CST7: variants seen among roughly 807,000 people sequenced by gnomAD.
The protein encoded by CST7 is cystatin-F.
A neutral mutation model predicts 13.1 loss-of-function variants in CST7; 15 were observed. That is an observed-to-expected ratio of 1.14 (90% CI 0.77 to 1.76). The LOEUF (loss-of-function observed/expected upper bound fraction) is 1.76, where lower values mean the gene tolerates loss of function less well. Among genes scored for constraint, CST7 ranks in the 40% most tolerant of loss-of-function variants. The probability of loss-of-function intolerance (pLI) is 0.00; values close to 1 mark genes in which losing one functional copy is unlikely to be tolerated. For missense variants in CST7, 193 were observed against 178.8 expected, an observed-to-expected ratio of 1.08 and a Z score of -0.45; for synonymous variants, 75 against 66.9, an observed-to-expected ratio of 1.12 and a Z score of -0.59.
intron 1 of CST7, among the ~76,000 whole-genome samples, chr20:24,952,084 G>T (rs6114956): frequency 0.09 from 13,674 of 152,318 alleles, 698 homozygotes; most frequent in Middle Eastern, 0.12. Flanking sequence ...CCGTCTACGT[G>T]GCAAGATTTG....
rs374458409 is a variant in CST7 at position 24,949,498 on chromosome 20, G to A, written c.-8G>A. The A allele has an allele frequency of 4.9e-4, 793 of 1,614,058 alleles. 1 individual carries two copies. Among genetic ancestry groups the A allele is most frequent in the Admixed American group, 6.3e-4 (38 of 60,020 alleles). ...CAACTGCCCCGCACTGTCCCTACCC[G>A]GGCAGCCATGCGAGCGGCTGGAACT... is the stretch of plus-strand genomic sequence containing the variant. On this transcript the variant is annotated 5_prime_UTR_variant, in exon 1 of 4. Transcript: ENST00000480798.
chr20:24,957,187 G>T (rs969910245), intron 1 of CST7, 100 bp from the exon 2 acceptor site: 4 of 1,277,578 alleles, frequency 3.1e-6, no homozygotes, highest in Non-Finnish European at 4.4e-6. Flanking sequence ...GGACACACAC[G>T]CCAGCAGAGA....
Position 24,957,232 on chromosome 20 carries a change from GGACTGAAGGCCCCACTAACATCA to G in CST7, c.71-53_71-31del, listed in dbSNP as rs935058071. 6 of 1,565,164 alleles carry G rather than the reference GGACTGAAGGCCCCACTAACATCA, an allele frequency of 3.8e-6. No individual in the cohort carries two copies. The African/African-American group carries it at 8.2e-5, about 21-fold the overall frequency. On this transcript the variant is annotated intron_variant, in intron 1 of 3. Transcript: ENST00000480798. The stretch of plus-strand genomic sequence containing the variant: ...CACAGAGGCATGAGGCGTGACACCT[GGACTGAAGGCCCCACTAACATCA>G]GTGTTCTTGTCTGGCTCTTTGTCTC...
At chr20:24,958,831 G>T in intron 2 of CST7, 97 bp from the exon 3 acceptor site, 1 of 862,612 alleles carries the variant, frequency 1.2e-6, no homozygotes, top group South Asian at 1.5e-5. Flanking sequence ...TCTCCTCGGT[G>T]GGCACCTGCA....
At position 24,958,967 on chromosome 20, in the gene CST7, G is replaced by A; in HGVS notation, c.283G>A (p.Gly95Ser). The A allele has an allele frequency of 6.2e-7, 1 of 1,614,022 alleles. No individual in the cohort carries two copies. Among genetic ancestry groups the A allele is most frequent in the Admixed American group, 1.7e-5 (1 of 60,016 alleles). Reference sequence around the variant, plus strand: ...GAAATATATGCTGGAGGTGGAAATTGGCAGAACTACCTGCAAGAAAAACCA... The same window carrying A: ...GAAATATATGCTGGAGGTGGAAATTAGCAGAACTACCTGCAAGAAAAACCA... ...GLKYMLEVEI[G>S]RTTCKKNQHL... is the part of the protein sequence containing the mutation. Residue 95 changes from glycine (G) to serine (S), a missense_variant, in exon 3 of 4, where the codon GGC (glycine) becomes AGC (serine). Gly to Ser is a moderately conservative substitution (Grantham distance 56, BLOSUM62 0). Coordinates refer to ENST00000480798, the MANE Select transcript of CST7 (RefSeq NM_003650.4).
intron 1 of CST7, among the ~76,000 whole-genome samples, chr20:24,952,595 A>G (rs992310925): frequency 2.0e-5 from 3 of 151,662 alleles, no homozygotes; most frequent in African/African-American, 7.3e-5. Context: ...CTGGACTTGC[A>G]CCCCCCCAAC....
chr20:24,949,541 C>T lies in CST7; in HGVS notation c.36C>T (p.Cys12=). 2.5e-6 allele frequency: 4 copies of T among 1,614,128 alleles called. No homozygotes were observed. Among genetic ancestry groups the T allele is most frequent in the Non-Finnish European group, 2.5e-6 (3 of 1,180,042 alleles). The stretch of plus-strand genomic sequence containing the variant: ...CTGGAACTCTGCTGGCCTTCTGCTG[C>T]CTGGTCTTGAGCACCACTGGGGGCC... ...RAAGTLLAFC[C]LVLSTTGGPS... is the part of the protein sequence containing the mutation. The change falls in exon 1 of 4, where the codon TGC becomes TGT. Residue 12 remains cysteine, a synonymous_variant. Transcript: ENST00000480798.
chr20:24,957,507 C>T (rs759363856), intron 2 of CST7, 48 bp downstream of exon 2: 3 of 1,575,644 alleles, frequency 1.9e-6, no homozygotes, highest in Non-Finnish European at 1.7e-6. Context: ...CCTAGGAAGC[C>T]GAGCTGCTAC....
intron 1 of CST7, among the ~76,000 whole-genome samples, chr20:24,953,346 G>A (rs980433697): frequency 3.3e-5 from 5 of 152,182 alleles, no homozygotes; most frequent in Admixed American, 6.5e-5. Context: ...AAGGGGCAGC[G>A]TGATGTCACA....
intron 1 of CST7, among the ~76,000 whole-genome samples, 181 bp from the exon 2 acceptor site, chr20:24,957,106 G>A (rs1176274444): frequency 7.7e-6 from 1 of 129,082 alleles, no homozygotes; most frequent in Admixed American, 7.7e-5. Flanking sequence ...TGGGTAGGGT[G>A]GGGGCAGGTA....
intron 2 of CST7, among the ~76,000 whole-genome samples, chr20:24,958,282 G>C (rs541062592): frequency 6.6e-6 from 1 of 152,232 alleles, no homozygotes; most frequent in South Asian, 2.1e-4. Context: ...ATCTTCCCTG[G>C]GTGATGCAGG....
At chr20:24,955,030 G>C (rs1157050004) in intron 1 of CST7, among the ~76,000 whole-genome samples, 1 of 138,002 alleles carries the variant, frequency 7.2e-6, no homozygotes, top group Non-Finnish European at 1.5e-5. Context: ...TGTGAGGAAA[G>C]AAAGCAAAAC....
At chr20:24,958,058 C>T (rs1322388741) in intron 2 of CST7, among the ~76,000 whole-genome samples, 1 of 152,188 alleles carries the variant, frequency 6.6e-6, no homozygotes, top group Non-Finnish European at 1.5e-5. Flanking sequence ...TGACACCCAC[C>T]ACCGTGTGCT....
intron 3 of CST7, 89 bp downstream of exon 3, chr20:24,959,133 C>CT (rs1210923289): frequency 2.9e-6 from 3 of 1,051,348 alleles, no homozygotes; most frequent in African/African-American, 1.6e-5. Context: ...CACCACGTCT[C>CT]TAACGCAGCG....
intron 1 of CST7, among the ~76,000 whole-genome samples, chr20:24,954,142 C>G (rs551983657): frequency 6.6e-6 from 1 of 152,334 alleles, no homozygotes; most frequent in African/African-American, 2.4e-5. Context: ...CCCCTAGCAC[C>G]TGCCAAACAG....
rs367899041 is a variant in CST7, at chr20:24,959,718, G to A, written c.*6G>A. The stretch of plus-strand genomic sequence containing the variant: ...CTGTTCTCCGTTGTCACTGACCCCC[G>A]CCTCTTCAGCAAGACCACAGCCATG... On this transcript the variant is annotated 3_prime_UTR_variant, in exon 4 of 4. Transcript: ENST00000480798. 37 of 1,613,618 alleles carry A rather than the reference G, an allele frequency of 2.3e-5. No homozygotes were observed. The highest frequency in any genetic ancestry group is 5.0e-5 in the Admixed American group (3 of 60,000).
intron 1 of CST7, among the ~76,000 whole-genome samples, chr20:24,952,211 T>C (rs541821561): frequency 7.2e-5 from 11 of 152,378 alleles, no homozygotes; most frequent in Admixed American, 6.5e-4. Flanking sequence ...GCTTCGTGTA[T>C]GTTGCCTCAT....
rs563956118 is a variant in CST7 at position 24,953,533 on chromosome 20, T to C, written c.71-3754T>C. On this transcript the variant is annotated intron_variant, in intron 1 of 3. Transcript: ENST00000480798. ...CCTGGCATGCAATTCTTGTCAACCT[T>C]AGGGGACAGTTTCATTTGCCTTCCT... Among the ~76,000 whole-genome samples, 4 of 152,272 alleles carry C rather than the reference T, an allele frequency of 2.6e-5. No homozygotes were observed. The South Asian group carries it at 8.3e-4, about 32-fold the overall frequency.
intron 1 of CST7, among the ~76,000 whole-genome samples, chr20:24,956,616 C>T (rs769469859): frequency 1.6e-4 from 24 of 152,066 alleles, no homozygotes; most frequent in Admixed American, 3.3e-4. Context: ...AAAGACTGTC[C>T]CTGGAAAGTC....
Sources: allele counts gnomAD v4.1 joint callset (sites outside exome capture counted in the v4.1 genomes callset), GRCh38; gene constraint gnomAD v4.1.1; transcripts MANE v1.5; gene names NCBI Gene and HGNC (gene_info 2026-07-23, HGNC 2026-07-21).